Variants in POLB observed in about 807,000 individuals in gnomAD.
POLB encodes the protein 5'-dRP lyase.
In POLB, 37 loss-of-function variants were observed where a neutral mutation model predicts 52.7. The observed-to-expected ratio is 0.70, with a 90% CI of 0.54 to 0.92. The LOEUF (loss-of-function observed/expected upper bound fraction) is 0.92. POLB is among the 40% of genes least tolerant of loss of function. The pLI, the probability that POLB is intolerant of heterozygous loss-of-function variation, is 0.00. For missense variants in POLB, 313 were observed against 400.8 expected (o/e 0.78, Z 1.87); for synonymous variants, 138 against 131.3 (o/e 1.05, Z -0.35).
intron 11 of POLB, among the ~76,000 whole-genome samples, chr8:42,368,728 C>T (rs1824192770): frequency 6.6e-6 from 1 of 152,148 alleles, no homozygotes; most frequent in Non-Finnish European, 1.5e-5. Flanking sequence ...GTCTTTCTCC[C>T]TTCTAGTGTC....
Position 42,350,012 on chromosome 8 carries a change from G to T in POLB, c.267G>T (p.Arg89=), listed in dbSNP as rs759532567. Residue 89 remains arginine, a synonymous_variant, in exon 5 of 14, where the codon CGG becomes CGT. Transcript: ENST00000265421. ...GACTTTTTTTTTTCTTAAAGATTCG[G>T]CAGGATGATACGAGTTCATCCATCA... The part of the protein sequence containing the change: ...TGKLRKLEKI[R]QDDTSSSINF... 6.2e-7 allele frequency: 1 copy of T among 1,604,126 alleles called. No homozygotes were observed. Among genetic ancestry groups the T allele is most frequent in the South Asian group, 1.1e-5 (1 of 90,874 alleles).
intron 2 of POLB, chr8:42,341,825 C>T (rs1822222183): frequency 5.9e-5 from 32 of 546,766 alleles, no homozygotes; most frequent in South Asian, 4.8e-4. Flanking sequence ...TTGAGCTATG[C>T]GATCTTTCTT....
chr8:42,339,140 C>A, intron 2 of POLB, 71 bp downstream of exon 2: 1 of 1,154,316 alleles, frequency 8.7e-7, no homozygotes, highest in Non-Finnish European at 1.3e-6. Context: ...ATTAACAGGA[C>A]TGAGGGCCCA....
At chr8:42,358,420 T>C (rs1168349968) in intron 9 of POLB, among the ~76,000 whole-genome samples, 2 of 151,896 alleles carry the variant, frequency 1.3e-5, no homozygotes, top group Non-Finnish European at 2.9e-5. Context: ...GAGAATGGCA[T>C]GAACCTGGGA....
At chr8:42,367,031 G>C (rs1293149777) in intron 11 of POLB, among the ~76,000 whole-genome samples, 2 of 152,150 alleles carry the variant, frequency 1.3e-5, no homozygotes, top group Non-Finnish European at 2.9e-5. Context: ...CAAAAGAAGG[G>C]ATAGAAAGAG....
intron 9 of POLB, among the ~76,000 whole-genome samples, chr8:42,359,316 A>G (rs1823527438): frequency 6.6e-6 from 1 of 152,050 alleles, no homozygotes; most frequent in Non-Finnish European, 1.5e-5. Flanking sequence ...TACAAATAAC[A>G]TCCTAGAGAT....
At chr8:42,362,588 T>A in intron 10 of POLB, 24 bp from the exon 11 acceptor site, 2 of 1,393,482 alleles carry the variant, frequency 1.4e-6, no homozygotes, top group Non-Finnish European at 2.0e-6. Flanking sequence ...CTCTTTTTCT[T>A]ATTCCCTAAT....
intron 11 of POLB, among the ~76,000 whole-genome samples, chr8:42,368,782 A>G (rs1402686455): frequency 6.6e-6 from 1 of 152,124 alleles, no homozygotes; most frequent in Admixed American, 6.5e-5. Flanking sequence ...TCTGCTACCT[A>G]TCATTTTAAA....
At chr8:42,349,769 C>G (rs1277356222) in intron 4 of POLB, among the ~76,000 whole-genome samples, 2 of 152,188 alleles carry the variant, frequency 1.3e-5, no homozygotes, top group African/African-American at 4.8e-5. Flanking sequence ...TATATCACTT[C>G]TGATCTGTTA....
intron 9 of POLB, among the ~76,000 whole-genome samples, chr8:42,360,698 A>G (rs963915074): frequency 7.0e-4 from 107 of 152,224 alleles, no homozygotes; most frequent in African/African-American, 2.5e-3. Flanking sequence ...GTTGTAGAGT[A>G]TAGACCTATT....
At chr8:42,350,923 T>C (rs953581089) in intron 5 of POLB, among the ~76,000 whole-genome samples, 2 of 151,854 alleles carry the variant, frequency 1.3e-5, no homozygotes, top group African/African-American at 4.8e-5. Flanking sequence ...TAGGCTAGAG[T>C]GCAGTGGTGC....
intron 13 of POLB, among the ~76,000 whole-genome samples, chr8:42,370,616 A>G (rs533139728): frequency 6.6e-6 from 1 of 152,168 alleles, no homozygotes; most frequent in Non-Finnish European, 1.5e-5. Flanking sequence ...TGGGGGCCTC[A>G]CTAAATTCAG....
In POLB at chr8:42,343,999, C is replaced by T. The variant is rs149730958; in HGVS notation, c.120-954C>T. 4.0e-5 allele frequency among the ~76,000 whole-genome samples: 6 copies of T among 151,774 alleles called. No homozygotes were observed. In the East Asian group the frequency reaches 9.7e-4, roughly 25 times the overall value. On this transcript the variant is annotated intron_variant, in intron 2 of 13. Transcript: ENST00000265421. ...CAAAAAAATTAGCCAGATGTGGTGGCGCATGCCTGTAATCCCAGCTACTCA... is the reference window on the plus strand; with the variant it reads ...CAAAAAAATTAGCCAGATGTGGTGGTGCATGCCTGTAATCCCAGCTACTCA...
intron 5 of POLB, among the ~76,000 whole-genome samples, chr8:42,351,301 A>G (rs1053014788): frequency 3.3e-5 from 5 of 152,234 alleles, no homozygotes; most frequent in African/African-American, 9.6e-5. Context: ...TGTTTCTTCT[A>G]TGCTGCATTG....
At chr8:42,370,141 T>C (rs776191604) in intron 13 of POLB, 153 bp downstream of exon 13, 58 of 705,338 alleles carry the variant, frequency 8.2e-5, no homozygotes, top group Non-Finnish European at 1.2e-4. Flanking sequence ...GAGGATTTAA[T>C]GCATAACATG....
intron 9 of POLB, among the ~76,000 whole-genome samples, chr8:42,358,224 C>T (rs1287515611): frequency 4.6e-5 from 7 of 151,982 alleles, no homozygotes; most frequent in Non-Finnish European, 8.8e-5. Flanking sequence ...AACTTTTGGC[C>T]AGGCGCGGTG....
In POLB at chr8:42,339,005, C is replaced by T. The variant is rs2307161; in HGVS notation, c.62-7C>T. Reference sequence around the variant, plus strand: ...CTTGTTCACCCGAGCCTTCTGTTGCCTTTCAGAACTCGCAAACTTTGAGAA... The same window carrying T: ...CTTGTTCACCCGAGCCTTCTGTTGCTTTTCAGAACTCGCAAACTTTGAGAA... On this transcript the variant is annotated splice_region_variant and splice_polypyrimidine_tract_variant and intron_variant, in intron 1 of 13. Transcript: ENST00000265421. 1.4e-3 allele frequency: 2,263 copies of T among 1,613,264 alleles called. 8 individuals carry two copies. Among genetic ancestry groups the T allele is most frequent in the Middle Eastern group, 6.9e-3 (42 of 6,060 alleles).
chr8:42,344,828 AAG>A (rs1343679809), intron 2 of POLB, 123 bp from the exon 3 acceptor site: 3 of 659,906 alleles, frequency 4.5e-6, no homozygotes, highest in Admixed American at 2.8e-5. Flanking sequence ...AACAAAAAAA[AAG>A]AAAATTAGTT....
chr8:42,366,165 G>A (rs1012338326), intron 11 of POLB, among the ~76,000 whole-genome samples: 5 of 152,018 alleles, frequency 3.3e-5, no homozygotes, highest in African/African-American at 1.2e-4. Context: ...AAGGAAAGGT[G>A]GGTAGCCAAG....
Sources: gnomAD v4.1 joint callset for allele counts (sites outside exome capture counted in the v4.1 genomes callset) on GRCh38, gnomAD v4.1.1 for gene constraint, MANE v1.5 for transcripts, NCBI Gene and HGNC (gene_info 2026-07-23, HGNC 2026-07-21) for gene names.